HARS2: variants seen among roughly 807,000 people sequenced by gnomAD.
The protein encoded by HARS2 is histidine--tRNA ligase, mitochondrial.
In HARS2, 40 loss-of-function variants were observed where a neutral mutation model predicts 62.4. That is an observed-to-expected ratio of 0.64 (90% CI 0.50 to 0.83). The LOEUF (loss-of-function observed/expected upper bound fraction) is 0.83, where lower values mean the gene tolerates loss of function less well. HARS2 is among the 40% of genes least tolerant of loss of function. HARS2 has a pLI of 0.00. For missense variants in HARS2, 569 were observed against 626.4 expected, an observed-to-expected ratio of 0.91 and a Z score of 0.98; for synonymous variants, 228 against 227.0, an observed-to-expected ratio of 1.00 and a Z score of -0.04.
At position 140,697,914 on chromosome 5, in the gene HARS2, T is replaced by A. The variant is rs770131133; in HGVS notation, c.1315-18T>A. ...GTGTTCACTTCTAAGTCCCTTACTC[T>A]GTCTTGATCCTTTTCAGGCAGAGAT... On this transcript the variant is annotated intron_variant, in intron 11 of 12. Transcript: ENST00000230771. 2 of 1,612,628 alleles carry A rather than the reference T, an allele frequency of 1.2e-6. No individual in the cohort carries two copies. Among genetic ancestry groups the A allele is most frequent in the East Asian group, 4.5e-5 (2 of 44,878 alleles).
In HARS2 at chr5:140,698,062, T is replaced by C. The variant is rs1163021772; in HGVS notation, c.1445T>C (p.Val482Ala). Residue 482 changes from valine (V) to alanine (A), a missense_variant, in exon 12 of 13, where the codon GTG becomes GCG. By Grantham distance (64) the Val-to-Ala change is moderately conservative (BLOSUM62 0). Transcript: ENST00000230771. ...LKEGVIKIRSVASREEVAIKR... is the reference protein window; with the variant it reads ...LKEGVIKIRSAASREEVAIKR... ...GAAGGGGTCATCAAGATCCGTTCAG[T>C]GGCCAGCAGAGAGGAGGTGAGTGGC... 2 of 1,614,056 alleles carry C rather than the reference T, an allele frequency of 1.2e-6. No individual in the cohort carries two copies. Among genetic ancestry groups the C allele is most frequent in the Non-Finnish European group, 1.7e-6 (2 of 1,180,014 alleles).
In HARS2 at chr5:140,697,311, G is replaced by T. The variant is rs376177973; in HGVS notation, c.1102G>T (p.Val368Leu). 4.3e-6 allele frequency: 7 copies of T among 1,614,036 alleles called. No individual in the cohort carries two copies. The highest frequency in any genetic ancestry group is 1.7e-5 in the Admixed American group (1 of 59,988). Residue 368 changes from valine to leucine, a missense_variant, in exon 10 of 13, where the codon GTG becomes TTG. Physicochemically the swap from Val to Leu is conservative, Grantham distance 32 (BLOSUM62 1). Transcript: ENST00000230771. ...TGCTGGTGGGCGCTATGATGGGCTG[G>T]TGGGCATGTTTGACCCCAAGGGCCA... ...VAAGGRYDGLVGMFDPKGHKV... is the reference protein window; with the variant it reads ...VAAGGRYDGLLGMFDPKGHKV...
intron 1 of HARS2, 67 bp downstream of exon 1, chr5:140,691,823 C>T: frequency 9.1e-7 from 1 of 1,093,942 alleles, no homozygotes; most frequent in Non-Finnish European, 1.4e-6. Context: ...CATAGCCTCG[C>T]GGCCTGTATT....
chr5:140,696,715 C>T lies in HARS2; in HGVS notation c.826+101C>T. The T allele has an allele frequency of 4.2e-6, 4 of 951,364 alleles. No homozygotes were observed. The South Asian group carries it at 5.2e-5, about 12-fold the overall frequency. 58.9% of individuals were successfully genotyped at this position (951,364 alleles called of 1,614,324 possible). On this transcript the variant is annotated intron_variant, in intron 8 of 12. Coordinates refer to ENST00000230771, the MANE Select transcript of HARS2 (RefSeq NM_012208.4). ...AACTCTTTTCTGTAGATATGCTAAG[C>T]TCCAGGGCCTGTCCTGAATTTAATT...
intron 1 of HARS2, 24 bp downstream of exon 1, chr5:140,691,780 G>A (rs1759497224): frequency 2.0e-6 from 3 of 1,469,542 alleles, no homozygotes; most frequent in Non-Finnish European, 2.8e-6. Context: ...AATTATCTCT[G>A]GTCTGTCCCA....
Position 140,694,193 on chromosome 5 carries a change from G to C in HARS2, c.312G>C (p.Leu104=). The part of the protein sequence containing the change: ...DTPAFELKET[L]TEKYGEDSGL... ...CTGTTTGACCCCTATAGGAAACCCT[G>C]ACTGAGAAGTATGGAGAGGACTCTG... Residue 104 remains leucine, a synonymous_variant, in exon 4 of 13, where the codon CTG becomes CTC. Coordinates refer to ENST00000230771, the MANE Select transcript of HARS2 (RefSeq NM_012208.4). 1.9e-6 allele frequency: 3 copies of C among 1,613,132 alleles called. No homozygotes were observed. Among genetic ancestry groups the C allele is most frequent in the Non-Finnish European group, 2.5e-6 (3 of 1,179,056 alleles).
intron 11 of HARS2, 59 bp from the exon 12 acceptor site, chr5:140,697,873 C>G: frequency 6.4e-7 from 1 of 1,563,668 alleles, no homozygotes; most frequent in Non-Finnish European, 8.8e-7. Context: ...TATCCATGTT[C>G]CTGAGGTTTG....
In HARS2 at chr5:140,697,409, A is replaced by G. The variant is rs1759794832; in HGVS notation, c.1197+3A>G. The G allele has an allele frequency of 1.9e-6, 3 of 1,613,708 alleles. No homozygotes were observed. Among genetic ancestry groups the G allele is most frequent in the Non-Finnish European group, 2.5e-6 (3 of 1,180,040 alleles). On this transcript the variant is annotated splice_donor_region_variant and intron_variant, in intron 10 of 12. Coordinates refer to ENST00000230771, the MANE Select transcript of HARS2 (RefSeq NM_012208.4). ...ACATTGTGGAGCAGAGGATGAAGGTAGGTCCTAGATAGGTGTGAGGTGGGG... is the reference window on the plus strand; with the variant it reads ...ACATTGTGGAGCAGAGGATGAAGGTGGGTCCTAGATAGGTGTGAGGTGGGG...
chr5:140,697,184 G>A lies in HARS2; in HGVS notation c.975G>A (p.Leu325=). The change falls in exon 10 of 13, where the codon CTG becomes CTA. Residue 325 remains leucine (L), a synonymous_variant. Transcript: ENST00000230771. The part of the protein sequence containing the change: ...IADKISFDLS[L]ARGLDYYTGV... Reference sequence around the variant, plus strand: ...CACAGATCTCCTTTGACCTCAGCCTGGCTCGGGGCCTAGACTACTATACAG... The same window carrying A: ...CACAGATCTCCTTTGACCTCAGCCTAGCTCGGGGCCTAGACTACTATACAG... 1 of 1,614,242 alleles carries A rather than the reference G, an allele frequency of 6.2e-7. No homozygotes were observed. Among genetic ancestry groups the A allele is most frequent in the Non-Finnish European group, 8.5e-7 (1 of 1,180,048 alleles).
rs1759882921 is a variant in HARS2, at chr5:140,699,127, C to G, written c.*575C>G. 1.2e-5 allele frequency: 2 copies of G among 171,032 alleles called. No individual in the cohort carries two copies. The highest frequency in any genetic ancestry group is 4.8e-5 in the African/African-American group (2 of 41,798). 10.6% of individuals were successfully genotyped at this position (171,032 alleles called of 1,614,324 possible). Reference sequence around the variant, plus strand: ...CATTGCTTACAGTAGAAGAGTGGGGCTGTATGCTTGATAATCTTGAACATT... The same window carrying G: ...CATTGCTTACAGTAGAAGAGTGGGGGTGTATGCTTGATAATCTTGAACATT... On this transcript the variant is annotated 3_prime_UTR_variant, in exon 13 of 13. Coordinates refer to ENST00000230771, the MANE Select transcript of HARS2 (RefSeq NM_012208.4).
rs755258446 is a variant in HARS2, at chr5:140,698,016, A to G, written c.1399A>G (p.Ile467Val). 2 of 1,614,046 alleles carry G rather than the reference A, an allele frequency of 1.2e-6. No homozygotes were observed. The highest frequency in any genetic ancestry group is 3.3e-5 in the Admixed American group (2 of 60,010). Residue 467 changes from isoleucine to valine, a missense_variant, in exon 12 of 13, where the codon ATT becomes GTT. Ile to Val is a conservative substitution (Grantham distance 29). Transcript: ENST00000230771. ...CACAGGCATTCCACTGGTGGTCATT[A>G]TTGGTGAGCAAGAACTGAAAGAAGG... ...ESTGIPLVVI[I>V]GEQELKEGVI...
chr5:140,695,463 A>G (rs1398884888), intron 4 of HARS2, 45 bp from the exon 5 acceptor site: 3 of 1,612,170 alleles, frequency 1.9e-6, no homozygotes, highest in South Asian at 1.1e-5. Context: ...TACTGGGCCT[A>G]ATCTTTGGAT....
At position 140,698,730 on chromosome 5, in the gene HARS2, A is replaced by T. The variant is rs1380065774; in HGVS notation, c.*178A>T. ...AGAAGACCCTGAGGACTCCTGGGCT[A>T]GTGTGAGCAGCTATTCTGCATGGGT... On this transcript the variant is annotated 3_prime_UTR_variant, in exon 13 of 13. Transcript: ENST00000230771. 1 of 685,820 alleles carries T rather than the reference A, an allele frequency of 1.5e-6. No individual in the cohort carries two copies. The highest frequency in any genetic ancestry group is 1.8e-5 in the African/African-American group (1 of 56,170). The allele number at this position is 685,820 out of a possible 1,614,324, so 42.5% of individuals were successfully genotyped here.
chr5:140,694,353 A>G, intron 4 of HARS2, 73 bp downstream of exon 4: 1 of 1,042,056 alleles, frequency 9.6e-7, no homozygotes, highest in Middle Eastern at 2.2e-4. Flanking sequence ...AAAAGTGGAG[A>G]ACGTGACTTT....
chr5:140,697,243 C>G lies in HARS2; in HGVS notation c.1034C>G (p.Pro345Arg), dbSNP rs1759783020. ...TATGAAGCAGTGCTGCTGCAGACCC[C>G]AACTCAGGCTGGGGAGGAGCCCCTG... Reference protein sequence around the residue: ...VIYEAVLLQTPTQAGEEPLNV... With the variant: ...VIYEAVLLQTRTQAGEEPLNV... Residue 345 changes from proline to arginine, a missense_variant, in exon 10 of 13, where the codon CCA becomes CGA. By Grantham distance (103) the Pro-to-Arg change is moderately radical. Coordinates refer to ENST00000230771, the MANE Select transcript of HARS2 (RefSeq NM_012208.4). 1 of 1,614,044 alleles carries G rather than the reference C, an allele frequency of 6.2e-7. No homozygotes were observed. The highest frequency in any genetic ancestry group is 1.3e-5 in the African/African-American group (1 of 74,902).
intron 3 of HARS2, 36 bp downstream of exon 3, chr5:140,694,090 C>G (rs145259405): frequency 1.2e-6 from 2 of 1,613,272 alleles, no homozygotes; most frequent in East Asian, 2.2e-5. Flanking sequence ...CAACCTCACT[C>G]ACTTCTTCAA....
intron 3 of HARS2, 44 bp downstream of exon 3, chr5:140,694,098 C>T (rs758792128): frequency 7.4e-6 from 12 of 1,612,812 alleles, no homozygotes; most frequent in African/African-American, 1.3e-5. Flanking sequence ...CTCACTTCTT[C>T]AATGGCGTTC....
Position 140,698,612 on chromosome 5 carries a change from C to A in HARS2, c.*60C>A. ...AAAAGGTTTCCTCTAGAACTGAATT[C>A]CTCTGGAATTGAGTGATGGACTTCA... On this transcript the variant is annotated 3_prime_UTR_variant, in exon 13 of 13. Transcript: ENST00000230771. 1 of 1,304,888 alleles carries A rather than the reference C, an allele frequency of 7.7e-7. No homozygotes were observed. Among genetic ancestry groups the A allele is most frequent in the Non-Finnish European group, 1.1e-6 (1 of 897,322 alleles). The allele number at this position is 1,304,888 out of a possible 1,614,324, so 80.8% of individuals were successfully genotyped here. A position where few individuals can be genotyped will look rare whatever the true frequency, so the allele number is the denominator to read the frequency against.
Position 140,695,561 on chromosome 5 carries a change from T to C in HARS2, c.453T>C (p.Tyr151=), listed in dbSNP as rs150070713. The part of the protein sequence containing the change: ...AMNKVKKMKR[Y]HVGKVWRRES... ...ATAAGGTGAAGAAGATGAAACGTTA[T>C]CATGTTGGAAAGGTGTGGCGGCGAG... is the stretch of plus-strand genomic sequence containing the variant. Residue 151 remains tyrosine, a synonymous_variant, in exon 5 of 13, where the codon TAT becomes TAC. Transcript: ENST00000230771. 28 of 1,614,014 alleles carry C rather than the reference T, an allele frequency of 1.7e-5. No homozygotes were observed. Among genetic ancestry groups the C allele is most frequent in the East Asian group, 2.2e-5 (1 of 44,896 alleles).
Sources: gnomAD v4.1 joint callset for allele counts on GRCh38, gnomAD v4.1.1 for gene constraint, MANE v1.5 for transcripts, NCBI Gene and HGNC (gene_info 2026-07-23, HGNC 2026-07-21) for gene names.